Variants in RFX3 observed in about 807,000 individuals in gnomAD.
RFX3 encodes transcription factor RFX3.
A neutral mutation model predicts 98.6 loss-of-function variants in RFX3; 14 were observed. That is an observed-to-expected ratio of 0.14 (90% CI 0.09 to 0.22). The LOEUF (loss-of-function observed/expected upper bound fraction) is 0.22. Among genes scored for constraint, RFX3 ranks in the 10% least tolerant of loss-of-function variants. RFX3 has a pLI of 1.00. For synonymous variants in RFX3, 383 were observed against 328.4 expected, an observed-to-expected ratio of 1.17 and a Z score of -1.80; for missense variants, 639 against 926.9, an observed-to-expected ratio of 0.69 and a Z score of 4.03.
intron 1 of RFX3, among the ~76,000 whole-genome samples, chr9:3,467,293 T>C (rs557885026): frequency 5.4e-4 from 79 of 146,370 alleles, no homozygotes; most frequent in African/African-American, 1.9e-3. Context: ...TACATATATA[T>C]ACACACACAC....
At chr9:3,394,976 C>G (rs1228980733) in intron 2 of RFX3, 1 of 319,290 alleles carries the variant, frequency 3.1e-6, no homozygotes, top group Non-Finnish European at 4.5e-6. Context: ...GAAGATTATT[C>G]TATTTTCATT....
At chr9:3,460,921 C>G (rs996832660) in intron 1 of RFX3, among the ~76,000 whole-genome samples, 7 of 151,836 alleles carry the variant, frequency 4.6e-5, no homozygotes, top group African/African-American at 9.7e-5. Context: ...CCTCTCAATA[C>G]TTCTCCTGTA....
chr9:3,468,754 C>A, intron 1 of RFX3, among the ~76,000 whole-genome samples: 2 of 133,352 alleles, frequency 1.5e-5, no homozygotes, highest in East Asian at 2.3e-4. Context: ...CTATTTAAGT[C>A]AACATTAGCC....
At chr9:3,354,411 AT>A (rs1183422698) in intron 2 of RFX3, among the ~76,000 whole-genome samples, 1 of 151,942 alleles carries the variant, frequency 6.6e-6, no homozygotes, top group Non-Finnish European at 1.5e-5. Context: ...AATAAAGAAC[AT>A]TAAACCAAAG....
intron 2 of RFX3, among the ~76,000 whole-genome samples, chr9:3,370,664 A>G (rs1034386062): frequency 1.3e-5 from 2 of 152,148 alleles, no homozygotes; most frequent in African/African-American, 4.8e-5. Flanking sequence ...AACTGCATAA[A>G]TTGATATCTG....
At chr9:3,434,220 A>G (rs1334428268) in intron 1 of RFX3, among the ~76,000 whole-genome samples, 1 of 152,160 alleles carries the variant, frequency 6.6e-6, no homozygotes, top group Non-Finnish European at 1.5e-5. Context: ...ATCTGGCCTG[A>G]GTGCCTAGAT....
chr9:3,509,931 G>A (rs1195764489), intron 1 of RFX3, among the ~76,000 whole-genome samples: 1 of 151,962 alleles, frequency 6.6e-6, no homozygotes, highest in East Asian at 1.9e-4. Context: ...CCTATAAGAA[G>A]TGGGGAGGAG....
chr9:3,295,159 T>C (rs1827842004), intron 5 of RFX3, among the ~76,000 whole-genome samples: 1 of 151,906 alleles, frequency 6.6e-6, no homozygotes, highest in Non-Finnish European at 1.5e-5. Context: ...ATTAAGTTAC[T>C]GAGGTTCAAA....
At chr9:3,397,356 G>A (rs1323903503) in intron 1 of RFX3, among the ~76,000 whole-genome samples, 1 of 152,186 alleles carries the variant, frequency 6.6e-6, no homozygotes, top group African/African-American at 2.4e-5. Context: ...CTGCATCATA[G>A]TTTAAATCTA....
At position 3,380,503 on chromosome 9, in the gene RFX3, A is replaced by G. The variant is rs548169778; in HGVS notation, c.117+14969T>C. 7.2e-4 allele frequency among the ~76,000 whole-genome samples: 109 copies of G among 152,304 alleles called. 2 individuals carry two copies. Among genetic ancestry groups the G allele is most frequent in the Middle Eastern group, 3.4e-3 (1 of 294 alleles). On this transcript the variant is annotated intron_variant, in intron 2 of 16. Coordinates refer to ENST00000617270, the MANE Select transcript of RFX3 (RefSeq NM_001282116.2). ...TAACAGATGCTCAATCAGTATTATA[A>G]AAAGTGAAGCTCAGTAAGGCTGAAG...
At chr9:3,448,564 C>G (rs559979374) in intron 1 of RFX3, among the ~76,000 whole-genome samples, 5 of 152,272 alleles carry the variant, frequency 3.3e-5, no homozygotes, top group Admixed American at 2.6e-4. Flanking sequence ...CCAGGCTAGA[C>G]TGCGGTGGCG....
chr9:3,504,943 TAATA>T (rs1816736743), intron 1 of RFX3, among the ~76,000 whole-genome samples: 1 of 71,722 alleles, frequency 1.4e-5, no homozygotes, highest in Non-Finnish European at 2.2e-5. Flanking sequence ...ATAATATATA[TAATA>T]TAATATATAT....
chr9:3,289,398 T>C (rs896771413), intron 6 of RFX3, among the ~76,000 whole-genome samples: 1 of 152,108 alleles, frequency 6.6e-6, no homozygotes, highest in African/African-American at 2.4e-5. Context: ...TTAACGCCCG[T>C]AAAGAAAGGT....
chr9:3,250,092 A>T (rs2130992406), intron 14 of RFX3, among the ~76,000 whole-genome samples: 1 of 152,144 alleles, frequency 6.6e-6, no homozygotes, highest in Non-Finnish European at 1.5e-5. Context: ...TATAAGAGTT[A>T]TATGAAAATA....
At chr9:3,468,815 G>GAAAAAAAAAAAAA (rs34057815) in intron 1 of RFX3, among the ~76,000 whole-genome samples, 3 of 84,266 alleles carry the variant, frequency 3.6e-5, no homozygotes, top group African/African-American at 3.9e-5. Context: ...TTTTCCTTTT[G>GAAAAAAAAAAAAA]AAAAAAAAAA....
At chr9:3,298,798 T>C (rs1043178766) in intron 5 of RFX3, among the ~76,000 whole-genome samples, 1 of 151,688 alleles carries the variant, frequency 6.6e-6, no homozygotes, top group African/African-American at 2.4e-5. Flanking sequence ...CTAATAAGAG[T>C]TTTTAAAATT....
chr9:3,470,650 C>A (rs986923160), intron 1 of RFX3, among the ~76,000 whole-genome samples: 1 of 152,088 alleles, frequency 6.6e-6, no homozygotes, highest in African/African-American at 2.4e-5. Context: ...CTTTTCACAG[C>A]CCGATACTAG....
At chr9:3,285,765 A>T (rs1586881512) in intron 7 of RFX3, among the ~76,000 whole-genome samples, 1 of 151,682 alleles carries the variant, frequency 6.6e-6, no homozygotes, top group African/African-American at 2.4e-5. Flanking sequence ...ATAAGAATCA[A>T]ATTCAATTTA....
At chr9:3,359,250 C>G (rs1006559139) in intron 2 of RFX3, among the ~76,000 whole-genome samples, 1 of 152,088 alleles carries the variant, frequency 6.6e-6, no homozygotes, top group African/African-American at 2.4e-5. Flanking sequence ...GCGAAAGTAT[C>G]TTATGTATAC....
Sources: allele counts gnomAD v4.1 joint callset (sites outside exome capture counted in the v4.1 genomes callset), GRCh38; gene constraint gnomAD v4.1.1; transcripts MANE v1.5; gene names NCBI Gene and HGNC (gene_info 2026-07-23, HGNC 2026-07-21).